MBNL2: variants seen among roughly 807,000 people sequenced by gnomAD.
The protein encoded by MBNL2 is muscleblind like splicing regulator 2.
Under a neutral mutation model 41.9 loss-of-function variants are expected in MBNL2, and 17 were observed. The observed-to-expected ratio is 0.41, with a 90% CI of 0.28 to 0.61. The LOEUF (loss-of-function observed/expected upper bound fraction) is 0.61, where lower values mean the gene tolerates loss of function less well. MBNL2 is among the 20% of genes least tolerant of loss of function. The pLI is 0.35. For synonymous variants in MBNL2, 195 were observed against 182.9 expected, an observed-to-expected ratio of 1.07 and a Z score of -0.53; for missense variants, 336 against 505.6, an observed-to-expected ratio of 0.66 and a Z score of 3.22.
intron 2 of MBNL2, among the ~76,000 whole-genome samples, chr13:97,318,936 A>G (rs1357069472): frequency 1.3e-5 from 2 of 152,220 alleles, no homozygotes; most frequent in Non-Finnish European, 2.9e-5. Flanking sequence ...GTACTGGAGA[A>G]ACATGCAGCA....
At chr13:97,286,395 T>C (rs9516890) in intron 2 of MBNL2, among the ~76,000 whole-genome samples, 58,942 of 152,046 alleles carry the variant, frequency 0.39, 13,868 homozygotes, top group East Asian at 0.58. Context: ...TCAAAACAGA[T>C]CCTAAACTAG....
At chr13:97,323,150 A>G (rs1172405138) in intron 2 of MBNL2, among the ~76,000 whole-genome samples, 20 of 152,204 alleles carry the variant, frequency 1.3e-4, no homozygotes, top group Admixed American at 1.3e-3. Flanking sequence ...GGCCTTTAAT[A>G]CATGTGTCCA....
chr13:97,377,230 C>T (rs945135119), intron 8 of MBNL2, among the ~76,000 whole-genome samples: 1 of 152,208 alleles, frequency 6.6e-6, no homozygotes, highest in East Asian at 1.9e-4. Flanking sequence ...CAAGATCATA[C>T]TATAACATTA....
At chr13:97,160,637 G>T in the MBNL2 span, among the ~76,000 whole-genome samples, 4 of 151,984 alleles carry the variant, frequency 2.6e-5, 1 homozygote, top group African/African-American at 9.7e-5. Context: ...CAGTTACATG[G>T]CTACTCATCG....
chr13:97,243,046 T>C (rs983404315), intron 1 of MBNL2, among the ~76,000 whole-genome samples: 1 of 152,160 alleles, frequency 6.6e-6, no homozygotes, highest in African/African-American at 2.4e-5. Flanking sequence ...GGGCATGAGC[T>C]CAGAGTGTCA....
chr13:97,187,079 G>C, the MBNL2 span, among the ~76,000 whole-genome samples: 1 of 152,204 alleles, frequency 6.6e-6, no homozygotes, highest in East Asian at 1.9e-4. Flanking sequence ...TGGGGAATGA[G>C]ATTCTTGGAG....
At chr13:97,374,063 ATTTTTTTTTTT>A (rs61185219) in intron 8 of MBNL2, among the ~76,000 whole-genome samples, 35 of 63,108 alleles carry the variant, frequency 5.5e-4, no homozygotes, top group African/African-American at 1.7e-3. Context: ...CCTCCTTTGC[ATTTTTTTTTTT>A]TTTTTTTTTT....
chr13:97,213,110 A>G, the MBNL2 span, among the ~76,000 whole-genome samples: 1 of 152,208 alleles, frequency 6.6e-6, no homozygotes, highest in African/African-American at 2.4e-5. Context: ...GAGGTGTGCT[A>G]GATGCCTCAA....
At chr13:97,347,608 T>G (rs138665271) in intron 5 of MBNL2, among the ~76,000 whole-genome samples, 384 of 152,350 alleles carry the variant, frequency 2.5e-3, no homozygotes, top group African/African-American at 9.0e-3. Context: ...AATGAGGTTT[T>G]ATGCAGAATA....
intron 2 of MBNL2, among the ~76,000 whole-genome samples, chr13:97,282,934 C>G (rs1000856356): frequency 6.6e-5 from 10 of 152,226 alleles, no homozygotes; most frequent in South Asian, 2.1e-4. Context: ...CAGACATGAA[C>G]AAAGAAACCC....
chr13:97,166,655 C>A, the MBNL2 span, among the ~76,000 whole-genome samples: 1 of 152,060 alleles, frequency 6.6e-6, no homozygotes, highest in Non-Finnish European at 1.5e-5. Flanking sequence ...ATGCTTCCTG[C>A]CCTGGAACAT....
At chr13:97,170,392 C>A in the MBNL2 span, among the ~76,000 whole-genome samples, 1 of 152,140 alleles carries the variant, frequency 6.6e-6, no homozygotes, top group Non-Finnish European at 1.5e-5. Context: ...AGTTTCCCTG[C>A]CAGTTGCACA....
At chr13:97,253,305 G>T (rs1253109517) in intron 1 of MBNL2, among the ~76,000 whole-genome samples, 1 of 152,110 alleles carries the variant, frequency 6.6e-6, no homozygotes, top group Non-Finnish European at 1.5e-5. Context: ...TTGAAGCAAA[G>T]AAATGAAAAA....
the MBNL2 span, among the ~76,000 whole-genome samples, chr13:97,144,423 CTTTT>C: frequency 1.9e-4 from 23 of 118,084 alleles, no homozygotes; most frequent in African/African-American, 6.4e-4. Flanking sequence ...CATGATACTT[CTTTT>C]TTTTTTTTTT....
chr13:97,273,220 C>T (rs2051448870), intron 1 of MBNL2, among the ~76,000 whole-genome samples: 1 of 152,342 alleles, frequency 6.6e-6, no homozygotes, highest in Middle Eastern at 3.4e-3. Context: ...TTTTCAAACA[C>T]TAAGTGTGTT....
At position 97,392,852 on chromosome 13, in the gene MBNL2, A is replaced by G. The variant is rs1038998063; in HGVS notation, c.*1403A>G. ...TTATGTGTAATTGTTTCAAACATCC[A>G]TTTTCTTTGTGAACATATTAGTGAT... On this transcript the variant is annotated 3_prime_UTR_variant, in exon 9 of 9. Transcript: ENST00000679496. 3 of 152,362 alleles carry G rather than the reference A, an allele frequency of 2.0e-5. No individual in the cohort carries two copies. Among genetic ancestry groups the G allele is most frequent in the Non-Finnish European group, 4.4e-5 (3 of 67,902 alleles). The allele number at this position is 152,362 out of a possible 1,614,324, so 9.4% of individuals were successfully genotyped here.
chr13:97,236,638 C>G (rs759137897), intron 1 of MBNL2, among the ~76,000 whole-genome samples: 14 of 152,048 alleles, frequency 9.2e-5, no homozygotes, highest in Non-Finnish European at 1.8e-4. Flanking sequence ...CTTGGACCTC[C>G]GCTTTTTATT....
chr13:97,231,426 C>T (rs1367912848), intron 1 of MBNL2, among the ~76,000 whole-genome samples: 1 of 152,208 alleles, frequency 6.6e-6, no homozygotes, highest in Non-Finnish European at 1.5e-5. Flanking sequence ...TTGGAAGTGT[C>T]ACTGCCACAA....
Position 97,366,600 on chromosome 13 carries a change from G to A in MBNL2, c.1048+1429G>A, listed in dbSNP as rs757429696. The A allele has an allele frequency of 8.7e-7, 1 of 1,145,224 alleles. No homozygotes were observed. Among genetic ancestry groups the A allele is most frequent in the Non-Finnish European group, 1.3e-6 (1 of 761,392 alleles). 70.9% of individuals were successfully genotyped at this position (1,145,224 alleles called of 1,614,324 possible). On this transcript the variant is annotated intron_variant, in intron 8 of 8. Coordinates refer to ENST00000679496, the MANE Select transcript of MBNL2 (RefSeq NM_001382683.1). The surrounding 1 kb of genome is among the most constrained non-coding windows in gnomAD (Gnocchi z 4.7). ...CTTTCACAAATCCCAAACTCTAAAT[G>A]AGTGCTGATATTTAAAAAAAAAATT...
Sources: gnomAD v4.1 joint callset for allele counts (sites outside exome capture counted in the v4.1 genomes callset) on GRCh38, gnomAD v4.1.1 for gene constraint, Gnocchi (gnomAD v3.1) non-coding constraint, MANE v1.5 for transcripts, NCBI Gene and HGNC (gene_info 2026-07-23, HGNC 2026-07-21) for gene names.